RFTN2: variants seen among roughly 807,000 people sequenced by gnomAD.
The protein encoded by RFTN2 is raftlin family member 2.
A neutral mutation model predicts 52.7 loss-of-function variants in RFTN2; 34 were observed. The ratio of observed to expected loss-of-function variants is 0.64; its 90% confidence interval spans 0.49 to 0.86. The LOEUF is 0.86. Ranked by LOEUF, RFTN2 falls within the 40% of genes least tolerant of loss-of-function variation. The pLI is 0.00. For missense variants in RFTN2, 536 were observed against 600.1 expected, an observed-to-expected ratio of 0.89 and a Z score of 1.12; for synonymous variants, 203 against 217.7, an observed-to-expected ratio of 0.93 and a Z score of 0.59.
At chr2:197,631,648 T>C (rs1410490041) in intron 4 of RFTN2, among the ~76,000 whole-genome samples, 1 of 152,226 alleles carries the variant, frequency 6.6e-6, no homozygotes, top group African/African-American at 2.4e-5. Flanking sequence ...ATTCGTTTAT[T>C]TTAACTGCTA....
intron 3 of RFTN2, among the ~76,000 whole-genome samples, chr2:197,641,474 T>C (rs2106246819): frequency 6.6e-6 from 1 of 152,354 alleles, no homozygotes; most frequent in Middle Eastern, 3.4e-3. Flanking sequence ...TTACCGTCAG[T>C]GCTTCCTCTA....
intron 7 of RFTN2, among the ~76,000 whole-genome samples, chr2:197,607,584 C>T (rs1243215835): frequency 6.6e-6 from 1 of 151,926 alleles, no homozygotes; most frequent in Non-Finnish European, 1.5e-5. Flanking sequence ...TTAACTTTTG[C>T]TTCATCTTAC....
intron 8 of RFTN2, among the ~76,000 whole-genome samples, chr2:197,574,648 A>G (rs2087382662): frequency 6.6e-6 from 1 of 152,148 alleles, no homozygotes; most frequent in Non-Finnish European, 1.5e-5. Flanking sequence ...CAGGAGGAAC[A>G]CTTGAGGTCA....
chr2:197,637,147 T>G (rs2106240258), intron 3 of RFTN2, among the ~76,000 whole-genome samples: 1 of 150,240 alleles, frequency 6.7e-6, no homozygotes, highest in South Asian at 2.1e-4. Flanking sequence ...TTTGCCAGTA[T>G]TTTATTGAGG....
At chr2:197,662,511 T>A (rs1386814036) in intron 1 of RFTN2, among the ~76,000 whole-genome samples, 2 of 152,238 alleles carry the variant, frequency 1.3e-5, no homozygotes, top group Admixed American at 1.3e-4. Flanking sequence ...TATAACCTTC[T>A]AATATATTTG....
chr2:197,643,993 T>G (rs2088710915), intron 3 of RFTN2, among the ~76,000 whole-genome samples, 165 bp downstream of exon 3: 1 of 152,210 alleles, frequency 6.6e-6, no homozygotes, highest in Non-Finnish European at 1.5e-5. Flanking sequence ...GTATTTCTGT[T>G]TTAAACGCTT....
intron 8 of RFTN2, among the ~76,000 whole-genome samples, chr2:197,581,757 T>C (rs1409533295): frequency 6.6e-6 from 1 of 152,186 alleles, no homozygotes; most frequent in Non-Finnish European, 1.5e-5. Flanking sequence ...GTCCAACTGA[T>C]CTCTCAAACC....
At chr2:197,616,759 C>CT (rs1379415135) in intron 6 of RFTN2, among the ~76,000 whole-genome samples, 1 of 152,136 alleles carries the variant, frequency 6.6e-6, no homozygotes, top group East Asian at 1.9e-4. Context: ...CTTTTCACTG[C>CT]TTTTTTCTTA....
chr2:197,616,010 T>C (rs965979840), intron 6 of RFTN2, 31 bp from the exon 7 acceptor site: 1 of 1,349,470 alleles, frequency 7.4e-7, no homozygotes, highest in South Asian at 1.3e-5. Context: ...GCTCATAGTC[T>C]AATGGCAAAG....
intron 7 of RFTN2, among the ~76,000 whole-genome samples, chr2:197,610,014 C>A (rs981171585): frequency 1.2e-4 from 19 of 152,200 alleles, no homozygotes; most frequent in African/African-American, 4.6e-4. Flanking sequence ...GTTTTGGTTA[C>A]TGTAGCCTTG....
chr2:197,635,849 T>C (rs1446046030), intron 3 of RFTN2, among the ~76,000 whole-genome samples: 1 of 141,802 alleles, frequency 7.1e-6, no homozygotes, highest in Admixed American at 7.2e-5. Context: ...TAGGTTTTCT[T>C]CTAGGGTTTT....
intron 1 of RFTN2, among the ~76,000 whole-genome samples, chr2:197,660,484 A>G (rs1425553059): frequency 6.6e-6 from 1 of 152,188 alleles, no homozygotes. Context: ...ATATTTATGA[A>G]GTATATGTGA....
rs961626117 is a variant in RFTN2 at position 197,569,320 on chromosome 2, G to T, written c.*2688C>A. On this transcript the variant is annotated 3_prime_UTR_variant, in exon 9 of 9. Transcript: ENST00000295049. ...AAAAGAACTGAATATACAACTGGCA[G>T]ATAATAAAATTAGACATATTTAACT... The T allele has an allele frequency of 1.3e-5, 2 of 152,160 alleles. No individual in the cohort carries two copies. The highest frequency in any genetic ancestry group is 2.9e-5 in the Non-Finnish European group (2 of 68,028). 9.4% of individuals were successfully genotyped at this position (152,160 alleles called of 1,614,324 possible).
At chr2:197,667,879 T>G (rs766139279) in intron 1 of RFTN2, among the ~76,000 whole-genome samples, 2 of 152,134 alleles carry the variant, frequency 1.3e-5, no homozygotes, top group African/African-American at 2.4e-5. Context: ...ATGTTGGCAC[T>G]GGTGTTAGCA....
At chr2:197,590,092 G>A (rs1412101731) in intron 8 of RFTN2, among the ~76,000 whole-genome samples, 1 of 150,352 alleles carries the variant, frequency 6.7e-6, no homozygotes, top group Non-Finnish European at 1.5e-5. Flanking sequence ...ATTTTTTGCA[G>A]ACAGGGTTTT....
intron 3 of RFTN2, among the ~76,000 whole-genome samples, chr2:197,637,498 T>C (rs1208336130): frequency 6.6e-6 from 1 of 152,256 alleles, no homozygotes; most frequent in Non-Finnish European, 1.5e-5. Context: ...AATTTATCCA[T>C]TTCCTCTAGA....
chr2:197,585,278 A>C (rs2087577552), intron 8 of RFTN2, among the ~76,000 whole-genome samples: 2 of 152,170 alleles, frequency 1.3e-5, no homozygotes, highest in Non-Finnish European at 2.9e-5. Context: ...ACTGCACCCC[A>C]AAAACTTGTC....
chr2:197,579,204 C>T (rs2087466493), intron 8 of RFTN2, among the ~76,000 whole-genome samples: 1 of 152,188 alleles, frequency 6.6e-6, no homozygotes, highest in South Asian at 2.1e-4. Flanking sequence ...GACAGGGATG[C>T]CTGCCTTGAT....
intron 4 of RFTN2, 50 bp from the exon 5 acceptor site, chr2:197,631,270 A>G: frequency 7.4e-7 from 1 of 1,349,014 alleles, no homozygotes; most frequent in Non-Finnish European, 1.0e-6. Flanking sequence ...TTTGTTGATC[A>G]AAGATTCTTA....
Sources: allele counts gnomAD v4.1 joint callset (sites outside exome capture counted in the v4.1 genomes callset), GRCh38; gene constraint gnomAD v4.1.1; transcripts MANE v1.5; gene names NCBI Gene and HGNC (gene_info 2026-07-23, HGNC 2026-07-21).